The following STX11 variants were observed in gnomAD, a reference collection of about 807,000 sequenced individuals.
STX11 encodes syntaxin 11, also known as syntaxin-11.
In STX11, 21 loss-of-function variants were observed where a neutral mutation model predicts 19.9. That is an observed-to-expected ratio of 1.06 (90% CI 0.75 to 1.52). STX11 has a LOEUF of 1.52. Among genes scored for constraint, STX11 ranks in the 40% most tolerant of loss-of-function variants. The probability of loss-of-function intolerance (pLI) is 0.00; values close to 1 mark genes in which losing one functional copy is unlikely to be tolerated. For missense variants in STX11, 438 were observed against 405.9 expected, an observed-to-expected ratio of 1.08 and a Z score of -0.68; for synonymous variants, 193 against 174.4, an observed-to-expected ratio of 1.11 and a Z score of -0.84.
Position 144,186,942 on chromosome 6 carries a change from C to T in STX11, c.315C>T (p.Arg105=), listed in dbSNP as rs775954267. Residue 105 remains arginine (R), a synonymous_variant, in exon 2 of 2, where the codon CGC becomes CGT. Coordinates refer to ENST00000367568, the MANE Select transcript of STX11 (RefSeq NM_003764.4). ...ARGEVIHCKL[R]AMKELSEAAE... ...GCGAGGTCATCCACTGCAAGCTGCGCGCCATGAAGGAGCTGAGCGAGGCGG... is the reference window on the plus strand; with the variant it reads ...GCGAGGTCATCCACTGCAAGCTGCGTGCCATGAAGGAGCTGAGCGAGGCGG... The T allele has an allele frequency of 3.1e-6, 5 of 1,609,812 alleles. No individual in the cohort carries two copies. The highest frequency in any genetic ancestry group is 3.4e-6 in the Non-Finnish European group (4 of 1,179,914).
chr6:144,146,315 C>T (rs1267125311), upstream of STX11, among the ~76,000 whole-genome samples: 2 of 152,188 alleles, frequency 1.3e-5, no homozygotes, highest in Non-Finnish European at 2.9e-5. This position sits in a 1 kb window ranked among gnomAD's most constrained non-coding sequence, Gnocchi z 4.4. Flanking sequence ...CGGTCATCAT[C>T]TCTGAAAAAC....
At chr6:144,143,022 A>G in the STX11 span, among the ~76,000 whole-genome samples, 7 of 152,244 alleles carry the variant, frequency 4.6e-5, no homozygotes, top group African/African-American at 9.6e-5. Context: ...GTACCCCACA[A>G]ATATGTAAAA....
chr6:144,164,837 G>A (rs1220032337), intron 1 of STX11, among the ~76,000 whole-genome samples: 1 of 151,940 alleles, frequency 6.6e-6, no homozygotes, highest in African/African-American at 2.4e-5. Context: ...GGGATTACAG[G>A]CACCTGCCAC....
Position 144,169,032 on chromosome 6 carries a change from A to G in STX11, c.-5-17591A>G, listed in dbSNP as rs1223576906. Among the ~76,000 whole-genome samples the G allele has an allele frequency of 6.6e-6, 1 of 152,246 alleles. No homozygotes were observed. Among genetic ancestry groups the G allele is most frequent in the Non-Finnish European group, 1.5e-5 (1 of 68,050 alleles). ...AAGCTCCTGGTACCAAGTGCTTATGAAACTAATCAGAAAAGACACCCCTGG... is the reference window on the plus strand; with the variant it reads ...AAGCTCCTGGTACCAAGTGCTTATGGAACTAATCAGAAAAGACACCCCTGG... On this transcript the variant is annotated intron_variant, in intron 1 of 1. Coordinates refer to ENST00000367568, the MANE Select transcript of STX11 (RefSeq NM_003764.4). The surrounding 1 kb of genome is among the most constrained non-coding windows in gnomAD (Gnocchi z 5.2).
Position 144,175,527 on chromosome 6 carries a change from G to C in STX11, c.-5-11096G>C, listed in dbSNP as rs2128752876. On this transcript the variant is annotated intron_variant, in intron 1 of 1. Transcript: ENST00000367568. The surrounding 1 kb of genome is among the most constrained non-coding windows in gnomAD (Gnocchi z 5.1). Reference sequence around the variant, plus strand: ...TCACCATGTTGACCAGGCTGGTCTTGAACTCCTGAACTTAGGTGATCCACA... The same window carrying C: ...TCACCATGTTGACCAGGCTGGTCTTCAACTCCTGAACTTAGGTGATCCACA... 6.6e-6 allele frequency among the ~76,000 whole-genome samples: 1 copy of C among 152,090 alleles called. No individual in the cohort carries two copies. Among genetic ancestry groups the C allele is most frequent in the South Asian group, 2.1e-4 (1 of 4,822 alleles).
chr6:144,140,467 C>T, the STX11 span, among the ~76,000 whole-genome samples: 26 of 151,732 alleles, frequency 1.7e-4, no homozygotes, highest in African/African-American at 5.3e-4. Flanking sequence ...GTTGGCCAGG[C>T]TGATCTTGAA....
chr6:144,169,826 C>T lies in STX11; in HGVS notation c.-5-16797C>T. On this transcript the variant is annotated intron_variant, in intron 1 of 1. Coordinates refer to ENST00000367568, the MANE Select transcript of STX11 (RefSeq NM_003764.4). The surrounding 1 kb of genome is among the most constrained non-coding windows in gnomAD (Gnocchi z 5.2). ...TCATCCTCTTGAGTAGCTAGGACTA[C>T]AGGCACACACCACCACACCTGGCTT... 6.6e-6 allele frequency among the ~76,000 whole-genome samples: 1 copy of T among 152,118 alleles called. No individual in the cohort carries two copies. Among genetic ancestry groups the T allele is most frequent in the Non-Finnish European group, 1.5e-5 (1 of 68,018 alleles).
At chr6:144,156,152 C>G (rs528785724) in intron 1 of STX11, among the ~76,000 whole-genome samples, 1 of 150,174 alleles carries the variant, frequency 6.7e-6, no homozygotes, top group Admixed American at 6.6e-5. Context: ...ACAACCTCCA[C>G]CTCCCGGGTT....
In STX11 at chr6:144,186,801, G is replaced by A; in HGVS notation, c.174G>A (p.Leu58=). The A allele has an allele frequency of 6.2e-7, 1 of 1,613,842 alleles. No individual in the cohort carries two copies. Among genetic ancestry groups the A allele is most frequent in the Non-Finnish European group, 8.5e-7 (1 of 1,180,000 alleles). The change falls in exon 2 of 2, where the codon CTG becomes CTA. Residue 58 remains leucine (L), a synonymous_variant. Transcript: ENST00000367568. The stretch of plus-strand genomic sequence containing the variant: ...ACATTCAGGATGAAAACCAGCTGCT[G>A]GTGGCCGACGTGAAGCGGCTGGGAA... The part of the protein sequence containing the change: ...IRDIQDENQL[L]VADVKRLGKQ...
In STX11 at chr6:144,176,739, G is replaced by A. The variant is rs1801787281; in HGVS notation, c.-5-9884G>A. ...CACATGGTTGAAAGATGTTAATAAT[G>A]GCCATTTGAGTCATCAATAAATTGT... is the stretch of plus-strand genomic sequence containing the variant. On this transcript the variant is annotated intron_variant, in intron 1 of 1. Transcript: ENST00000367568. This position sits in a 1 kb window ranked among gnomAD's most constrained non-coding sequence, Gnocchi z 4.1. Among the ~76,000 whole-genome samples the A allele has an allele frequency of 6.6e-6, 1 of 152,100 alleles. No homozygotes were observed. The highest frequency in any genetic ancestry group is 2.1e-4 in the South Asian group (1 of 4,830).
Position 144,162,541 on chromosome 6 carries a change from T to C in STX11, c.-6+11838T>C, listed in dbSNP as rs984748322. 2.0e-5 allele frequency among the ~76,000 whole-genome samples: 3 copies of C among 152,246 alleles called. No individual in the cohort carries two copies. Among genetic ancestry groups the C allele is most frequent in the African/African-American group, 2.4e-5 (1 of 41,460 alleles). On this transcript the variant is annotated intron_variant, in intron 1 of 1. Transcript: ENST00000367568. The surrounding 1 kb of genome is among the most constrained non-coding windows in gnomAD (Gnocchi z 4.6). The stretch of plus-strand genomic sequence containing the variant: ...TCTTCAAAAATGCAAATATGCTTTC[T>C]TGATGGAGCAGTATATTAAGCTATT...
At position 144,178,167 on chromosome 6, in the gene STX11, C is replaced by T. The variant is rs56155818; in HGVS notation, c.-5-8456C>T. Reference sequence around the variant, plus strand: ...GAAGCTAGTGTAGCTTTGTGGATTACGGATGGATTCTCAAGTAGTCACACT... The same window carrying T: ...GAAGCTAGTGTAGCTTTGTGGATTATGGATGGATTCTCAAGTAGTCACACT... On this transcript the variant is annotated intron_variant, in intron 1 of 1. Coordinates refer to ENST00000367568, the MANE Select transcript of STX11 (RefSeq NM_003764.4). Among the ~76,000 whole-genome samples, 1,263 of 152,254 alleles carry T rather than the reference C, an allele frequency of 8.3e-3. 8 individuals carry two copies. The highest frequency in any genetic ancestry group is 0.024 in the African/African-American group (1,011 of 41,546).
rs118129472 is a variant in STX11 at position 144,179,262 on chromosome 6, C to T, written c.-5-7361C>T. ...CCCCCATGATTCAGTTATCTCCCAC[C>T]GGATCCCTCGCACAACGTGTGGGAA... On this transcript the variant is annotated intron_variant, in intron 1 of 1. Transcript: ENST00000367568. Among the ~76,000 whole-genome samples, 717 of 152,282 alleles carry T rather than the reference C, an allele frequency of 4.7e-3. 26 individuals carry two copies. In the East Asian group the frequency reaches 0.082, roughly 17 times the overall value.
rs1802167711 is a variant in STX11, at chr6:144,189,770, A to G, written c.*2279A>G. 6.6e-5 allele frequency among the ~76,000 whole-genome samples: 10 copies of G among 152,216 alleles called. No homozygotes were observed. Among genetic ancestry groups the G allele is most frequent in the Admixed American group, 6.5e-4 (10 of 15,280 alleles). ...AGAATTGTGGAAACCAAGTTCCACA[A>G]GGCTATTCTCATATTTCTCCCAATT... On this transcript the variant is annotated 3_prime_UTR_variant, in exon 2 of 2. Transcript: ENST00000367568.
chr6:144,146,041 A>T (rs1302293431), upstream of STX11, among the ~76,000 whole-genome samples: 1 of 152,256 alleles, frequency 6.6e-6, no homozygotes, highest in Non-Finnish European at 1.5e-5. The surrounding 1 kb of genome is among the most constrained non-coding windows in gnomAD (Gnocchi z 4.4). Context: ...CATGAAAAAG[A>T]GAAATGGTAG....
chr6:144,153,454 C>G lies in STX11; in HGVS notation c.-6+2751C>G, dbSNP rs916606361. ...CATAGAGAAGTGAAACAGCACTGGA[C>G]GTTCAGGAAACTCCAGCCTGTTTAG... On this transcript the variant is annotated intron_variant, in intron 1 of 1. Transcript: ENST00000367568. This position sits in a 1 kb window ranked among gnomAD's most constrained non-coding sequence, Gnocchi z 5.0. Among the ~76,000 whole-genome samples the G allele has an allele frequency of 3.3e-5, 5 of 152,082 alleles. No individual in the cohort carries two copies. The highest frequency in any genetic ancestry group is 1.2e-4 in the African/African-American group (5 of 41,410).
Position 144,190,522 on chromosome 6 carries a change from T to G in STX11, c.*3031T>G, listed in dbSNP as rs1011900931. ...AATAAAGCCTATTTTTTGTTAACAG[T>G]CTTAATAAATAATAAAATGGAATAA... On this transcript the variant is annotated 3_prime_UTR_variant, in exon 2 of 2. Coordinates refer to ENST00000367568, the MANE Select transcript of STX11 (RefSeq NM_003764.4). Among the ~76,000 whole-genome samples, 2 of 151,824 alleles carry G rather than the reference T, an allele frequency of 1.3e-5. No homozygotes were observed. Among genetic ancestry groups the G allele is most frequent in the Non-Finnish European group, 2.9e-5 (2 of 67,976 alleles).
In STX11 at chr6:144,170,540, G is replaced by A. The variant is rs1224668954; in HGVS notation, c.-5-16083G>A. On this transcript the variant is annotated intron_variant, in intron 1 of 1. Transcript: ENST00000367568. This position sits in a 1 kb window ranked among gnomAD's most constrained non-coding sequence, Gnocchi z 4.7. ...TGTGGCCAATGCTCAAAAAGTTTTA[G>A]ATTTTGGAGCATTTCAGATTTCAGA... is the stretch of plus-strand genomic sequence containing the variant. 1.3e-5 allele frequency among the ~76,000 whole-genome samples: 2 copies of A among 152,138 alleles called. No individual in the cohort carries two copies. Among genetic ancestry groups the A allele is most frequent in the South Asian group, 4.1e-4 (2 of 4,826 alleles).
chr6:144,165,678 C>T lies in STX11; in HGVS notation c.-6+14975C>T, dbSNP rs1290109528. On this transcript the variant is annotated intron_variant, in intron 1 of 1. Coordinates refer to ENST00000367568, the MANE Select transcript of STX11 (RefSeq NM_003764.4). This position sits in a 1 kb window ranked among gnomAD's most constrained non-coding sequence, Gnocchi z 5.8. ...ATAGAATCATTTTAGATCGTATCAT[C>T]TGCACATGCTTCCAAAGGAGTGGTA... 6.6e-6 allele frequency among the ~76,000 whole-genome samples: 1 copy of T among 152,170 alleles called. No homozygotes were observed. Among genetic ancestry groups the T allele is most frequent in the Non-Finnish European group, 1.5e-5 (1 of 68,038 alleles).
Sources: gnomAD v4.1 joint callset for allele counts (sites outside exome capture counted in the v4.1 genomes callset) on GRCh38, gnomAD v4.1.1 for gene constraint, Gnocchi (gnomAD v3.1) non-coding constraint, MANE v1.5 for transcripts, NCBI Gene and HGNC (gene_info 2026-07-23, HGNC 2026-07-21) for gene names.